Variants in METTL8 observed in about 807,000 individuals in gnomAD.
METTL8 encodes tRNA N(3)-cytidine methyltransferase METTL8, mitochondrial.
Under a neutral mutation model 48.7 loss-of-function variants are expected in METTL8, and 32 were observed. That is an observed-to-expected ratio of 0.66 (90% CI 0.50 to 0.88). The LOEUF is 0.88. METTL8 is among the 40% of genes least tolerant of loss of function. The probability of loss-of-function intolerance (pLI) is 0.00; values close to 1 mark genes in which losing one functional copy is unlikely to be tolerated. For synonymous variants in METTL8, 136 were observed against 157.1 expected, an observed-to-expected ratio of 0.87 and a Z score of 1.01; for missense variants, 464 against 474.4, an observed-to-expected ratio of 0.98 and a Z score of 0.20.
At chr2:171,324,520 A>G (rs548453549) in intron 9 of METTL8, among the ~76,000 whole-genome samples, 158 bp from the exon 10 acceptor site, 9 of 152,330 alleles carry the variant, frequency 5.9e-5, no homozygotes, top group African/African-American at 2.2e-4. Flanking sequence ...AAACCAAGCG[A>G]GTTTCTTCTA....
intron 1 of METTL8, among the ~76,000 whole-genome samples, chr2:171,413,567 T>C (rs1470659346): frequency 6.6e-6 from 1 of 152,200 alleles, no homozygotes; most frequent in African/African-American, 2.4e-5. Flanking sequence ...ACAGGTGTTG[T>C]GATAAAAAAG....
At chr2:171,405,667 C>A (rs572539119) in intron 1 of METTL8, among the ~76,000 whole-genome samples, 1 of 152,162 alleles carries the variant, frequency 6.6e-6, no homozygotes, top group African/African-American at 2.4e-5. Flanking sequence ...AGAACACACA[C>A]ACACAAAGAC....
chr2:171,320,496 G>A lies in METTL8; in HGVS notation c.*3676C>T. The A allele has an allele frequency of 6.6e-6, 1 of 152,192 alleles. No homozygotes were observed. Among genetic ancestry groups the A allele is most frequent in the Non-Finnish European group, 1.5e-5 (1 of 68,042 alleles). The allele number at this position is 152,192 out of a possible 1,614,324, so 9.4% of individuals were successfully genotyped here. ...GTACAATTTACATGTGTGAGAATGT[G>A]AGAATAATTTTACCTTCTGTTGTTT... On this transcript the variant is annotated 3_prime_UTR_variant, in exon 10 of 10. Transcript: ENST00000375258.
chr2:171,364,664 T>C (rs902547891), intron 2 of METTL8, among the ~76,000 whole-genome samples: 4 of 152,168 alleles, frequency 2.6e-5, no homozygotes, highest in African/African-American at 9.7e-5. Flanking sequence ...TTGGTTTGAT[T>C]TGGAAAAGTT....
chr2:171,383,391 A>T (rs1358792030), intron 2 of METTL8, among the ~76,000 whole-genome samples: 1 of 152,200 alleles, frequency 6.6e-6, no homozygotes, highest in Non-Finnish European at 1.5e-5. Context: ...AAATCAATTT[A>T]GTTACTCTAA....
intron 2 of METTL8, among the ~76,000 whole-genome samples, chr2:171,370,527 C>T (rs1247456165): frequency 6.6e-6 from 1 of 152,118 alleles, no homozygotes; most frequent in Non-Finnish European, 1.5e-5. Flanking sequence ...CACGGTGGCT[C>T]ATGCCTGTAA....
intron 3 of METTL8, among the ~76,000 whole-genome samples, chr2:171,344,742 T>C (rs1483642046): frequency 6.6e-6 from 1 of 152,182 alleles, no homozygotes; most frequent in East Asian, 1.9e-4. Context: ...CAGCAGCTTC[T>C]CCAATCAATG....
At chr2:171,409,429 C>T (rs996976820) in intron 1 of METTL8, among the ~76,000 whole-genome samples, 1 of 152,034 alleles carries the variant, frequency 6.6e-6, no homozygotes, top group African/African-American at 2.4e-5. Context: ...AACACCCTCC[C>T]ACCTCCCACT....
chr2:171,340,619 A>G (rs1345237702), intron 3 of METTL8, among the ~76,000 whole-genome samples: 1 of 152,198 alleles, frequency 6.6e-6, no homozygotes, highest in African/African-American at 2.4e-5. Context: ...ATTTACAAAT[A>G]CAATTTCAGC....
At chr2:171,326,458 T>C in intron 7 of METTL8, 1 of 250,600 alleles carries the variant, frequency 4.0e-6, no homozygotes, top group Non-Finnish European at 7.5e-6. Context: ...TCCTGGTACT[T>C]ACAGAAAATT....
chr2:171,350,097 T>C (rs1683725303), intron 3 of METTL8, among the ~76,000 whole-genome samples: 1 of 152,196 alleles, frequency 6.6e-6, no homozygotes, highest in African/African-American at 2.4e-5. Context: ...TATCTCCTAA[T>C]GCTATCCCTC....
intron 1 of METTL8, among the ~76,000 whole-genome samples, chr2:171,399,194 G>C (rs1461601092): frequency 6.6e-6 from 1 of 152,116 alleles, no homozygotes; most frequent in Non-Finnish European, 1.5e-5. Context: ...TTAATGCCAA[G>C]GCTCAGTCAT....
At chr2:171,337,139 T>G (rs1375204710) in intron 5 of METTL8, among the ~76,000 whole-genome samples, 1 of 152,146 alleles carries the variant, frequency 6.6e-6, no homozygotes, top group Non-Finnish European at 1.5e-5. Flanking sequence ...AGTGCTGTGA[T>G]TAAAGGCATG....
intron 2 of METTL8, among the ~76,000 whole-genome samples, chr2:171,382,005 A>G (rs1326276982): frequency 6.6e-6 from 1 of 151,950 alleles, no homozygotes; most frequent in Admixed American, 6.6e-5. Flanking sequence ...GATGGTCTCA[A>G]CCTCCTGACC....
rs1018434606 is a variant in METTL8 at position 171,321,381 on chromosome 2, A to G, written c.*2791T>C. The G allele has an allele frequency of 1.3e-5, 2 of 152,326 alleles. No homozygotes were observed. The highest frequency in any genetic ancestry group is 4.8e-5 in the African/African-American group (2 of 41,536). 9.4% of individuals were successfully genotyped at this position (152,326 alleles called of 1,614,324 possible). On this transcript the variant is annotated 3_prime_UTR_variant, in exon 10 of 10. Transcript: ENST00000375258. ...ATCCTCCCAGCTCAGCCTCCTGAGT[A>G]GCTGGGACAACAGGTGCGTGCCACC...
At chr2:171,351,394 C>T (rs1163408010) in intron 3 of METTL8, among the ~76,000 whole-genome samples, 9 of 152,098 alleles carry the variant, frequency 5.9e-5, no homozygotes, top group East Asian at 1.9e-4. Flanking sequence ...AGTCAGGTAG[C>T]GTGATGCCTC....
chr2:171,427,672 T>C (rs1292502281), intron 1 of METTL8, among the ~76,000 whole-genome samples: 1 of 152,228 alleles, frequency 6.6e-6, no homozygotes, highest in East Asian at 1.9e-4. Context: ...AGAACGGCCT[T>C]CCCTGACCAC....
intron 1 of METTL8, among the ~76,000 whole-genome samples, chr2:171,431,485 A>C (rs1224497047): frequency 2.0e-5 from 3 of 152,180 alleles, no homozygotes; most frequent in Admixed American, 2.0e-4. Flanking sequence ...ACTGATTGTG[A>C]GACAAAAACT....
chr2:171,434,270 G>A, upstream of METTL8: 1 of 535,590 alleles, frequency 1.9e-6, no homozygotes, highest in Non-Finnish European at 3.6e-6. Flanking sequence ...TACATTTCCC[G>A]GTGAGAGAGC....
Sources: allele counts gnomAD v4.1 joint callset (sites outside exome capture counted in the v4.1 genomes callset), GRCh38; gene constraint gnomAD v4.1.1; transcripts MANE v1.5; gene names NCBI Gene and HGNC (gene_info 2026-07-23, HGNC 2026-07-21).